Variants in PDE1A observed in about 807,000 individuals in gnomAD.
PDE1A encodes phosphodiesterase 1A, also known as dual specificity calcium/calmodulin-dependent 3',5'-cyclic nucleotide phosphodiesterase 1A.
PDE1A carries 35 observed loss-of-function variants against 61.7 expected under a neutral mutation model. The observed-to-expected ratio is 0.57, with a 90% CI of 0.43 to 0.75. The LOEUF is 0.75. PDE1A is among the 30% of genes least tolerant of loss of function. The pLI, the probability that PDE1A is intolerant of heterozygous loss-of-function variation, is 0.00. For synonymous variants in PDE1A, 232 were observed against 213.2 expected (o/e 1.09, Z -0.77); for missense variants, 597 against 630.6 (o/e 0.95, Z 0.57).
intron 1 of PDE1A, among the ~76,000 whole-genome samples, chr2:182,404,660 T>C (rs1702201162): frequency 6.6e-6 from 1 of 152,214 alleles, no homozygotes; most frequent in Non-Finnish European, 1.5e-5. Context: ...ACTTTTTAAA[T>C]ATTTTGTGTA....
intron 13 of PDE1A, among the ~76,000 whole-genome samples, chr2:182,156,237 A>C (rs1252764935): frequency 6.6e-6 from 1 of 152,236 alleles, no homozygotes; most frequent in Non-Finnish European, 1.5e-5. Context: ...TATAATTATT[A>C]AGAACAATAT....
At chr2:182,645,612 A>G in the PDE1A span, among the ~76,000 whole-genome samples, 1 of 152,214 alleles carries the variant, frequency 6.6e-6, no homozygotes, top group Non-Finnish European at 1.5e-5. Context: ...AATGTTTATC[A>G]AAATCATTAT....
the PDE1A span, among the ~76,000 whole-genome samples, chr2:182,673,809 A>G: frequency 2.6e-5 from 4 of 151,770 alleles, no homozygotes; most frequent in Admixed American, 1.3e-4. Flanking sequence ...AACCTTAAGT[A>G]TAAGAAAAAC....
the PDE1A span, among the ~76,000 whole-genome samples, chr2:182,622,149 G>A: frequency 1.3e-5 from 2 of 152,144 alleles, no homozygotes; most frequent in Admixed American, 6.5e-5. Context: ...TATTTAGTAT[G>A]ACATAGAACC....
At chr2:182,180,143 C>T (rs949300166) in intron 13 of PDE1A, among the ~76,000 whole-genome samples, 2 of 152,090 alleles carry the variant, frequency 1.3e-5, no homozygotes, top group Non-Finnish European at 2.9e-5. Context: ...TACTCAGTGA[C>T]TTTAAAATTG....
At chr2:182,417,044 T>C (rs879505744) in intron 1 of PDE1A, among the ~76,000 whole-genome samples, 3 of 152,184 alleles carry the variant, frequency 2.0e-5, no homozygotes, top group Non-Finnish European at 4.4e-5. Flanking sequence ...AGTCACGCAA[T>C]AGACACACAC....
At chr2:182,424,341 C>T (rs1476747857) in intron 1 of PDE1A, among the ~76,000 whole-genome samples, 1 of 152,192 alleles carries the variant, frequency 6.6e-6, no homozygotes, top group Non-Finnish European at 1.5e-5. Context: ...ACTGGCCCCA[C>T]TAGCACACAA....
chr2:182,682,601 T>G, the PDE1A span, among the ~76,000 whole-genome samples: 2 of 152,306 alleles, frequency 1.3e-5, no homozygotes, highest in African/African-American at 4.8e-5. Context: ...GTTTCTATGT[T>G]TAATCAAAGA....
chr2:182,213,711 T>G (rs1421428040), intron 7 of PDE1A, among the ~76,000 whole-genome samples: 5 of 67,460 alleles, frequency 7.4e-5, no homozygotes, highest in Admixed American at 1.6e-4. Flanking sequence ...GAAGGGAAGT[T>G]TAGAGAAAAA....
the PDE1A span, among the ~76,000 whole-genome samples, chr2:182,709,536 A>AT: frequency 2.0e-5 from 3 of 152,244 alleles, no homozygotes; most frequent in African/African-American, 7.2e-5. Context: ...ATTATAATAT[A>AT]TTGTGATAAA....
chr2:182,230,916 C>G, intron 5 of PDE1A, 99 bp downstream of exon 5: 2 of 686,350 alleles, frequency 2.9e-6, no homozygotes, highest in Non-Finnish European at 5.1e-6. Flanking sequence ...ACTAAAACAT[C>G]CTAAAATGAA....
chr2:182,558,256 C>T, the PDE1A span, among the ~76,000 whole-genome samples: 1 of 151,458 alleles, frequency 6.6e-6, no homozygotes, highest in African/African-American at 2.4e-5. Context: ...AAGGCAAGTA[C>T]ACCAAAAGAG....
At chr2:182,365,149 C>A (rs2125201948) in intron 1 of PDE1A, among the ~76,000 whole-genome samples, 1 of 152,070 alleles carries the variant, frequency 6.6e-6, no homozygotes, top group East Asian at 1.9e-4. Flanking sequence ...TGTTCATATT[C>A]TTTATCATGC....
chr2:182,560,447 T>C, the PDE1A span, among the ~76,000 whole-genome samples: 3 of 151,536 alleles, frequency 2.0e-5, no homozygotes, highest in South Asian at 2.1e-4. Context: ...CCACATTTTC[T>C]TAATCCAGTC....
chr2:182,556,048 T>G, the PDE1A span, among the ~76,000 whole-genome samples: 1 of 149,144 alleles, frequency 6.7e-6, no homozygotes, highest in African/African-American at 2.5e-5. Context: ...GATGGATAAT[T>G]AGAACTGTGT....
chr2:182,644,985 A>AT, the PDE1A span, among the ~76,000 whole-genome samples: 1,723 of 128,092 alleles, frequency 0.013, 22 homozygotes, highest in East Asian at 0.044. Flanking sequence ...TGTCTTCTGT[A>AT]TTTTTTTTTT....
chr2:182,623,459 G>A, the PDE1A span, among the ~76,000 whole-genome samples: 3 of 152,204 alleles, frequency 2.0e-5, no homozygotes, highest in Non-Finnish European at 4.4e-5. Flanking sequence ...TAGGGTCATG[G>A]CCTGGGACGC....
intron 1 of PDE1A, chr2:182,522,460 C>A: frequency 1.9e-6 from 3 of 1,591,196 alleles, no homozygotes; most frequent in Admixed American, 3.4e-5. Flanking sequence ...ATCTTACACA[C>A]TTATACAGTA....
the PDE1A span, among the ~76,000 whole-genome samples, chr2:182,602,626 C>T: frequency 3.9e-5 from 6 of 152,154 alleles, no homozygotes; most frequent in Non-Finnish European, 5.9e-5. Flanking sequence ...TACAATCTTA[C>T]GTTTTTGGTC....
Sources: gnomAD v4.1 joint callset for allele counts (sites outside exome capture counted in the v4.1 genomes callset) on GRCh38, gnomAD v4.1.1 for gene constraint, MANE v1.5 for transcripts, NCBI Gene and HGNC (gene_info 2026-07-23, HGNC 2026-07-21) for gene names.